TASP1: variants seen among roughly 807,000 people sequenced by gnomAD.
TASP1 encodes taspase 1.
In TASP1, 16 loss-of-function variants were observed where a neutral mutation model predicts 56.6. The ratio of observed to expected loss-of-function variants is 0.28; its 90% CI spans 0.19 to 0.43. TASP1 has a LOEUF of 0.43. Ranked by LOEUF, TASP1 falls within the 20% of genes least tolerant of loss-of-function variation. The probability of loss-of-function intolerance (pLI) is 1.00; values close to 1 mark genes in which losing one functional copy is unlikely to be tolerated. For missense variants in TASP1, 393 were observed against 511.6 expected (o/e 0.77, Z 2.24); for synonymous variants, 179 against 184.2 (o/e 0.97, Z 0.23).
the TASP1 span, among the ~76,000 whole-genome samples, chr20:13,179,827 C>T: frequency 2.6e-5 from 4 of 152,146 alleles, no homozygotes; most frequent in South Asian, 4.1e-4. Flanking sequence ...TCTCCAGATA[C>T]GGTTTTTAGG....
the TASP1 span, among the ~76,000 whole-genome samples, chr20:13,116,816 A>G: frequency 6.6e-6 from 1 of 152,190 alleles, no homozygotes; most frequent in Non-Finnish European, 1.5e-5. Context: ...CAGCCCACCC[A>G]ATACCGACTG....
At chr20:13,154,208 G>T in the TASP1 span, 1 of 1,583,434 alleles carries the variant, frequency 6.3e-7, no homozygotes, top group South Asian at 1.2e-5. Flanking sequence ...TTTGGCACAG[G>T]CGTTAGATTA....
the TASP1 span, among the ~76,000 whole-genome samples, chr20:13,259,004 C>A: frequency 1.0e-3 from 156 of 152,198 alleles, 1 homozygote; most frequent in Non-Finnish European, 1.5e-3. Context: ...GAATCTGGGC[C>A]GGGCGCAATG....
At chr20:13,473,792 G>T (rs921104367) in intron 11 of TASP1, among the ~76,000 whole-genome samples, 1 of 152,084 alleles carries the variant, frequency 6.6e-6, no homozygotes, top group South Asian at 2.1e-4. Context: ...TTAACTATGG[G>T]CCAGGCATGG....
chr20:13,312,863 T>C, the TASP1 span, among the ~76,000 whole-genome samples: 23 of 152,336 alleles, frequency 1.5e-4, no homozygotes, highest in East Asian at 3.5e-3. Flanking sequence ...TGTCTGACTC[T>C]AAATCCATTT....
the TASP1 span, among the ~76,000 whole-genome samples, chr20:13,351,490 C>G: frequency 6.6e-6 from 1 of 152,196 alleles, no homozygotes; most frequent in Non-Finnish European, 1.5e-5. Context: ...AGAAACAAAT[C>G]AGACAGATCT....
chr20:13,175,424 G>T, the TASP1 span, among the ~76,000 whole-genome samples: 4 of 152,102 alleles, frequency 2.6e-5, no homozygotes, highest in Non-Finnish European at 5.9e-5. Flanking sequence ...AGTAACAGAG[G>T]TTTTTCCCTC....
the TASP1 span, among the ~76,000 whole-genome samples, chr20:13,161,772 AT>A: frequency 6.6e-6 from 1 of 152,256 alleles, no homozygotes; most frequent in East Asian, 1.9e-4. Flanking sequence ...TAATAAAAAA[AT>A]AAAAGAGTAA....
chr20:13,597,411 A>C (rs545517668), intron 4 of TASP1, among the ~76,000 whole-genome samples: 16 of 152,332 alleles, frequency 1.1e-4, no homozygotes, highest in African/African-American at 3.6e-4. Flanking sequence ...CCATCACATA[A>C]ATAGAACCAA....
the TASP1 span, among the ~76,000 whole-genome samples, chr20:13,292,143 T>C: frequency 1.3e-5 from 2 of 152,230 alleles, no homozygotes; most frequent in Non-Finnish European, 2.9e-5. Context: ...CTAGGACTTA[T>C]TCAGGCACAT....
the TASP1 span, among the ~76,000 whole-genome samples, chr20:13,115,506 A>C: frequency 6.6e-6 from 1 of 151,416 alleles, no homozygotes; most frequent in African/African-American, 2.5e-5. Flanking sequence ...CAGTTCCAGA[A>C]CAAAAAAATG....
intron 13 of TASP1, among the ~76,000 whole-genome samples, chr20:13,398,237 T>C (rs2041615312): frequency 1.3e-5 from 2 of 151,932 alleles, no homozygotes; most frequent in African/African-American, 4.8e-5. Flanking sequence ...TTGAAGAAAG[T>C]TCTCTTTGTC....
the TASP1 span, among the ~76,000 whole-genome samples, chr20:13,129,628 C>G: frequency 2.0e-5 from 3 of 152,356 alleles, no homozygotes; most frequent in African/African-American, 7.2e-5. Flanking sequence ...GTCCTTTGGT[C>G]TATATGTCAT....
the TASP1 span, among the ~76,000 whole-genome samples, chr20:13,280,550 C>A: frequency 6.6e-6 from 1 of 152,194 alleles, no homozygotes; most frequent in Admixed American, 6.5e-5. Flanking sequence ...CAGCTCCACT[C>A]AGTCATTCAG....
At chr20:13,313,119 G>A in the TASP1 span, among the ~76,000 whole-genome samples, 3 of 152,020 alleles carry the variant, frequency 2.0e-5, no homozygotes, top group African/African-American at 4.8e-5. Flanking sequence ...AATGACTCCC[G>A]CATCCAGGTC....
At chr20:13,302,666 C>T in the TASP1 span, among the ~76,000 whole-genome samples, 1 of 152,132 alleles carries the variant, frequency 6.6e-6, no homozygotes, top group African/African-American at 2.4e-5. Flanking sequence ...TCGTTGCAGT[C>T]CTTGTAAATA....
chr20:13,625,136 C>G, intron 3 of TASP1, 49 bp downstream of exon 3: 1 of 1,351,578 alleles, frequency 7.4e-7, no homozygotes, highest in Non-Finnish European at 1.0e-6. Context: ...GGTAAAACTG[C>G]TTTCTGTTCA....
the TASP1 span, among the ~76,000 whole-genome samples, chr20:13,268,827 A>T: frequency 2.0e-5 from 3 of 152,084 alleles, no homozygotes; most frequent in African/African-American, 7.2e-5. Context: ...AGGTGGGAGG[A>T]TTACTTGAGC....
At chr20:13,442,340 A>G (rs192525774) in intron 11 of TASP1, among the ~76,000 whole-genome samples, 22 of 151,986 alleles carry the variant, frequency 1.4e-4, no homozygotes, top group African/African-American at 4.6e-4. Context: ...TGCCTACATC[A>G]CTGAAGTGTG....
Sources: allele counts gnomAD v4.1 joint callset (sites outside exome capture counted in the v4.1 genomes callset), GRCh38; gene constraint gnomAD v4.1.1; transcripts MANE v1.5; gene names NCBI Gene and HGNC (gene_info 2026-07-23, HGNC 2026-07-21).